BRK1: variants seen among roughly 807,000 people sequenced by gnomAD.
BRK1 encodes protein BRICK1.
A neutral mutation model predicts 9.9 loss-of-function variants in BRK1; 6 were observed. That is an observed-to-expected ratio of 0.60 (90% CI 0.33 to 1.19). The LOEUF (loss-of-function observed/expected upper bound fraction) is 1.19. BRK1 is among the 50% of genes most tolerant of loss of function. The pLI, the probability that BRK1 is intolerant of heterozygous loss-of-function variation, is 0.04. For synonymous variants in BRK1, 44 were observed against 31.9 expected (o/e 1.38, Z -1.28); for missense variants, 62 against 97.5 (o/e 0.64, Z 1.53).
Position 10,115,680 on chromosome 3 carries a change from C to A in BRK1, c.-22C>A, listed in dbSNP as rs750409763. On this transcript the variant is annotated 5_prime_UTR_variant, in exon 1 of 3. Transcript: ENST00000530758. ...TGTAGGGTCGGGGCGCCTGCGCAGT[C>A]GCTCTTCCTCAGGCGGCGGCCATGG... The A allele has an allele frequency of 2.5e-6, 4 of 1,599,304 alleles. No homozygotes were observed. The highest frequency in any genetic ancestry group is 1.7e-5 in the Admixed American group (1 of 59,930).
At position 10,126,417 on chromosome 3, in the gene BRK1, C is replaced by CT. The variant is rs1695841703; in HGVS notation, c.*128dup. Reference sequence around the variant, plus strand: ...AGCAACAGGGCTTATTCTTGTTTTTCTTTTTTCAAAAGTGTGGCCTTTGGG... The same window carrying CT: ...AGCAACAGGGCTTATTCTTGTTTTTCTTTTTTTCAAAAGTGTGGCCTTTGGG... On this transcript the variant is annotated 3_prime_UTR_variant, in exon 3 of 3. Transcript: ENST00000530758. The CT allele has an allele frequency of 1.1e-6, 1 of 950,878 alleles. No individual in the cohort carries two copies. Among genetic ancestry groups the CT allele is most frequent in the Non-Finnish European group, 1.6e-6 (1 of 631,518 alleles). The allele number at this position is 950,878 out of a possible 1,614,324, so 58.9% of individuals were successfully genotyped here. A position where few individuals can be genotyped will look rare whatever the true frequency, so the allele number is the denominator to read the frequency against.
At chr3:10,118,548 C>T (rs1695716157) in intron 1 of BRK1, among the ~76,000 whole-genome samples, 2 of 151,914 alleles carry the variant, frequency 1.3e-5, no homozygotes, top group Non-Finnish European at 2.9e-5. Flanking sequence ...AGTGCAGTGG[C>T]ATGATCTCGG....
Position 10,123,732 on chromosome 3 carries a change from C to CTTTTTTTTTTTTTTTTTTTTT in BRK1, c.119-1893_119-1873dup, listed in dbSNP as rs71626962. Among the ~76,000 whole-genome samples, 30 of 48,692 alleles carry CTTTTTTTTTTTTTTTTTTTTT rather than the reference C, an allele frequency of 6.2e-4. 6 individuals carry two copies. The highest frequency in any genetic ancestry group is 3.1e-3 in the African/African-American group (21 of 6,696). 31.9% of individuals were successfully genotyped at this position (48,692 alleles called of 152,430 possible). The stretch of plus-strand genomic sequence containing the variant: ...ACAGGCCTGAGCCACCGTGCCTGGC[C>CTTTTTTTTTTTTTTTTTTTTT]TTTTTTTTTTTTTTTTTTTTTGAGA... On this transcript the variant is annotated intron_variant, in intron 1 of 2. Coordinates refer to ENST00000530758, the MANE Select transcript of BRK1 (RefSeq NM_018462.5).
intron 1 of BRK1, among the ~76,000 whole-genome samples, chr3:10,120,128 C>T (rs912237401): frequency 1.3e-5 from 2 of 151,978 alleles, no homozygotes; most frequent in Admixed American, 6.6e-5. Context: ...CTCCCGGGTT[C>T]AAGCGATTCT....
chr3:10,122,110 T>G lies in BRK1; in HGVS notation c.119-3516T>G, dbSNP rs183395002. On this transcript the variant is annotated intron_variant, in intron 1 of 2. Coordinates refer to ENST00000530758, the MANE Select transcript of BRK1 (RefSeq NM_018462.5). ...CTTTTTTTTTTGTATTTTTAGTAGG[T>G]ATGGGGTTTCTCCATGTTGGTCAGG... Among the ~76,000 whole-genome samples the G allele has an allele frequency of 0.16, 24,392 of 150,496 alleles. 2,495 individuals carry two copies. Among genetic ancestry groups the G allele is most frequent in the African/African-American group, 0.29 (11,793 of 40,806 alleles).
chr3:10,125,370 GCT>G (rs1163691827), intron 1 of BRK1, among the ~76,000 whole-genome samples: 15 of 152,190 alleles, frequency 9.9e-5, no homozygotes, highest in Non-Finnish European at 2.2e-4. Flanking sequence ...CTCCCAAAGT[GCT>G]AGGATTACAG....
Position 10,126,134 on chromosome 3 carries a change from T to C in BRK1, c.202-135T>C, listed in dbSNP as rs1051452847. The C allele has an allele frequency of 4.8e-6, 3 of 619,432 alleles. No homozygotes were observed. In the East Asian group the frequency reaches 9.2e-5, roughly 19 times the overall value. The allele number at this position is 619,432 out of a possible 1,614,324, so 38.4% of individuals were successfully genotyped here. A position where few individuals can be genotyped will look rare whatever the true frequency, so the allele number is the denominator to read the frequency against. ...AAAAGTTAAGCATGTTGCCTGGATT[T>C]GAACCATGTTTCTGTGACTTCACAG... On this transcript the variant is annotated intron_variant, in intron 2 of 2. Coordinates refer to ENST00000530758, the MANE Select transcript of BRK1 (RefSeq NM_018462.5).
In BRK1 at chr3:10,125,508, T is replaced by C; in HGVS notation, c.119-118T>C. 7 of 642,162 alleles carry C rather than the reference T, an allele frequency of 1.1e-5. No homozygotes were observed. The South Asian group carries it at 1.1e-4, about 10-fold the overall frequency. The allele number at this position is 642,162 out of a possible 1,614,324, so 39.8% of individuals were successfully genotyped here. On this transcript the variant is annotated intron_variant, in intron 1 of 2. Transcript: ENST00000530758. Reference sequence around the variant, plus strand: ...CTGTGCTATGAGTGGATCTTAGCACTGTATCCATTTCCATTTGTATTCTGT... The same window carrying C: ...CTGTGCTATGAGTGGATCTTAGCACCGTATCCATTTCCATTTGTATTCTGT...
intron 1 of BRK1, among the ~76,000 whole-genome samples, chr3:10,123,358 A>C (rs573834107): frequency 5.9e-5 from 9 of 151,802 alleles, no homozygotes; most frequent in Non-Finnish European, 1.3e-4. Context: ...AACAGTAGTG[A>C]CATGGCTTTA....
rs747437945 is a variant in BRK1, at chr3:10,125,706, C to T, written c.199C>T (p.Arg67Trp). Residue 67 changes from arginine (R) to tryptophan (W), a missense_variant and splice_region_variant, in exon 2 of 3, where the codon CGG (arginine) becomes TGG (tryptophan). Physicochemically the swap from Arg to Trp is moderately radical, Grantham distance 101 (BLOSUM62 -3). Transcript: ENST00000530758. ...LERRIEYIEA[R>W]VTKGETLT is the part of the protein sequence containing the mutation. Reference sequence around the variant, plus strand: ...ACGGAGAATAGAGTACATTGAAGCTCGGGTGAGTTTGATGGGCAAGGGCAT... The same window carrying T: ...ACGGAGAATAGAGTACATTGAAGCTTGGGTGAGTTTGATGGGCAAGGGCAT... 6.2e-7 allele frequency: 1 copy of T among 1,609,070 alleles called. No homozygotes were observed. Among genetic ancestry groups the T allele is most frequent in the Non-Finnish European group, 8.5e-7 (1 of 1,176,934 alleles).
intron 1 of BRK1, among the ~76,000 whole-genome samples, chr3:10,121,718 C>CAAA (rs1695757865): frequency 1.3e-5 from 2 of 150,236 alleles, no homozygotes; most frequent in Admixed American, 1.3e-4. Flanking sequence ...TTTCCTATTT[C>CAAA]ATTAAATATT....
intron 1 of BRK1, among the ~76,000 whole-genome samples, chr3:10,122,144 G>C (rs796486824): frequency 2.1e-4 from 31 of 150,236 alleles, no homozygotes; most frequent in Non-Finnish European, 1.2e-4. Flanking sequence ...GGTTTGTCTT[G>C]AACTCCGACC....
intron 2 of BRK1, 65 bp downstream of exon 2, chr3:10,125,773 C>A: frequency 8.2e-7 from 1 of 1,218,122 alleles, no homozygotes; most frequent in Non-Finnish European, 1.2e-6. Context: ...TGAAAAAAAC[C>A]TGAAAGCAGA....
At chr3:10,121,035 A>G (rs1334097985) in intron 1 of BRK1, among the ~76,000 whole-genome samples, 1 of 152,190 alleles carries the variant, frequency 6.6e-6, no homozygotes, top group Non-Finnish European at 1.5e-5. Flanking sequence ...GTGGCAGTAC[A>G]TCCAGGAAAA....
Position 10,126,895 on chromosome 3 carries a change from C to T in BRK1, c.*600C>T, listed in dbSNP as rs1013790503. The T allele has an allele frequency of 6.5e-6, 1 of 152,714 alleles. No homozygotes were observed. The highest frequency in any genetic ancestry group is 1.5e-5 in the Non-Finnish European group (1 of 68,080). The allele number at this position is 152,714 out of a possible 1,614,324, so 9.5% of individuals were successfully genotyped here. ...TGGAGTGTCTATGCCTCTCATATTT[C>T]CCTAATAAACTCCTCAACTTTTTAT... On this transcript the variant is annotated 3_prime_UTR_variant, in exon 3 of 3. Transcript: ENST00000530758.
At chr3:10,125,824 C>T in intron 2 of BRK1, 116 bp downstream of exon 2, 1 of 718,062 alleles carries the variant, frequency 1.4e-6, no homozygotes, top group Non-Finnish European at 2.3e-6. Context: ...GACATGGTGG[C>T]TCACGCCTGT....
chr3:10,127,166 A>G lies in BRK1; in HGVS notation c.*871A>G, dbSNP rs182000320. The G allele has an allele frequency of 2.6e-5, 4 of 152,354 alleles. No homozygotes were observed. The highest frequency in any genetic ancestry group is 1.9e-4 in the East Asian group (1 of 5,196). 9.4% of individuals were successfully genotyped at this position (152,354 alleles called of 1,614,324 possible). ...TACTATGTAGGCATGTTAAACTCCA[A>G]TAAAACATACAGCATTGAATCAGAC... On this transcript the variant is annotated 3_prime_UTR_variant, in exon 3 of 3. Transcript: ENST00000530758.
rs755421081 is a variant in BRK1 at position 10,126,368 on chromosome 3, C to T, written c.*73C>T. 7.7e-7 allele frequency: 1 copy of T among 1,306,020 alleles called. No homozygotes were observed. Among genetic ancestry groups the T allele is most frequent in the Non-Finnish European group, 1.1e-6 (1 of 938,934 alleles). 80.9% of individuals were successfully genotyped at this position (1,306,020 alleles called of 1,614,324 possible). A position where few individuals can be genotyped will look rare whatever the true frequency, so the allele number is the denominator to read the frequency against. On this transcript the variant is annotated 3_prime_UTR_variant, in exon 3 of 3. Coordinates refer to ENST00000530758, the MANE Select transcript of BRK1 (RefSeq NM_018462.5). ...ACATGGGAAAGGCCCCAGCAGCCTT[C>T]AGCTCCTTCCTTTCTCCTTAAAGAG... is the stretch of plus-strand genomic sequence containing the variant.
chr3:10,125,523 T>C, intron 1 of BRK1, 103 bp from the exon 2 acceptor site: 3 of 701,250 alleles, frequency 4.3e-6, no homozygotes, highest in East Asian at 2.8e-5. Flanking sequence ...CCATTTCCAT[T>C]TGTATTCTGT....
Sources: gnomAD v4.1 joint callset for allele counts (sites outside exome capture counted in the v4.1 genomes callset) on GRCh38, gnomAD v4.1.1 for gene constraint, MANE v1.5 for transcripts, NCBI Gene and HGNC (gene_info 2026-07-23, HGNC 2026-07-21) for gene names.